The following COMMD10 variants were observed in gnomAD, a reference collection of about 807,000 sequenced individuals.
COMMD10 encodes COMM domain containing 10.
A neutral mutation model predicts 28.9 loss-of-function variants in COMMD10; 33 were observed. The ratio of observed to expected loss-of-function variants is 1.14; its 90% CI spans 0.87 to 1.53. The LOEUF is 1.53. Ranked by LOEUF, COMMD10 falls within the 40% of genes most tolerant of loss-of-function variation. The pLI, the probability that COMMD10 is intolerant of heterozygous loss-of-function variation, is 0.00. For synonymous variants in COMMD10, 110 were observed against 81.7 expected (o/e 1.35, Z -1.87); for missense variants, 310 against 233.4 (o/e 1.33, Z -2.14).
At chr5:116,181,751 A>G (rs990369125) in intron 5 of COMMD10, among the ~76,000 whole-genome samples, 1 of 152,074 alleles carries the variant, frequency 6.6e-6, no homozygotes, top group African/African-American at 2.4e-5. Flanking sequence ...TTAATTTAAG[A>G]AAGTTATCTT....
chr5:116,124,129 T>G (rs1184683290), intron 4 of COMMD10, among the ~76,000 whole-genome samples: 1 of 151,936 alleles, frequency 6.6e-6, no homozygotes, highest in Admixed American at 6.6e-5. Flanking sequence ...TTTGTTTGCT[T>G]TTGCTTCTCT....
intron 4 of COMMD10, among the ~76,000 whole-genome samples, chr5:116,124,228 A>G (rs983457092): frequency 2.0e-5 from 3 of 152,142 alleles, no homozygotes; most frequent in Admixed American, 6.6e-5. Flanking sequence ...TTCCTTCTAC[A>G]TACTGCTATA....
At chr5:116,288,343 A>T (rs1751275539) in intron 5 of COMMD10, among the ~76,000 whole-genome samples, 1 of 151,832 alleles carries the variant, frequency 6.6e-6, no homozygotes, top group African/African-American at 2.4e-5. Context: ...CTCATATGTG[A>T]TAAATCACTT....
rs183306098 is a variant in COMMD10, at chr5:116,132,875, A to G, written c.400-1193A>G. ...AGTTATTATAGAGATATTATAGATT[A>G]TATCTCTACAACATCTTCCTTCTTT... On this transcript the variant is annotated intron_variant, in intron 4 of 6. Coordinates refer to ENST00000274458, the MANE Select transcript of COMMD10 (RefSeq NM_016144.4). Among the ~76,000 whole-genome samples, 268 of 152,286 alleles carry G rather than the reference A, an allele frequency of 1.8e-3. 1 individual carries two copies. The highest frequency in any genetic ancestry group is 6.1e-3 in the African/African-American group (252 of 41,556).
chr5:116,287,598 A>C (rs1363874426), intron 5 of COMMD10, among the ~76,000 whole-genome samples: 2 of 151,592 alleles, frequency 1.3e-5, no homozygotes, highest in Non-Finnish European at 2.9e-5. Flanking sequence ...ATAGGCAAGG[A>C]CTTATTGCCG....
In COMMD10 at chr5:116,135,517, T is replaced by C. The variant is rs73253214; in HGVS notation, c.510+1339T>C. Among the ~76,000 whole-genome samples, 184 of 152,310 alleles carry C rather than the reference T, an allele frequency of 1.2e-3. 2 individuals carry two copies. The highest frequency in any genetic ancestry group is 3.9e-3 in the African/African-American group (160 of 41,558). On this transcript the variant is annotated intron_variant, in intron 5 of 6. Transcript: ENST00000274458. ...TGGTTAGAGTCAAGCTATTAGAGTA[T>C]GTCTGGTGGTTTCCCTTTATGTGCA...
intron 5 of COMMD10, among the ~76,000 whole-genome samples, chr5:116,143,019 A>G (rs1325806542): frequency 6.8e-6 from 1 of 147,836 alleles, no homozygotes; most frequent in Non-Finnish European, 1.5e-5. Flanking sequence ...TACGTTTTCT[A>G]AATAACAGCA....
chr5:116,195,068 A>C (rs1331391713), intron 5 of COMMD10, among the ~76,000 whole-genome samples: 1 of 152,316 alleles, frequency 6.6e-6, no homozygotes, highest in Non-Finnish European at 1.5e-5. Context: ...CAAAAATCAC[A>C]TGATTATCTC....
At chr5:116,284,117 G>A (rs1230487366) in intron 5 of COMMD10, among the ~76,000 whole-genome samples, 1 of 151,766 alleles carries the variant, frequency 6.6e-6, no homozygotes, top group Non-Finnish European at 1.5e-5. Flanking sequence ...GGGCAACAGA[G>A]CAAGACCCCA....
chr5:116,244,660 CAAAAAAA>C (rs60360733), intron 5 of COMMD10, among the ~76,000 whole-genome samples: 10 of 79,486 alleles, frequency 1.3e-4, no homozygotes, highest in Non-Finnish European at 1.8e-4. Flanking sequence ...AAAAAAATTA[CAAAAAAA>C]AAAAAAAAAA....
At chr5:116,221,707 C>T (rs772616972) in intron 5 of COMMD10, among the ~76,000 whole-genome samples, 5 of 152,116 alleles carry the variant, frequency 3.3e-5, no homozygotes, top group Non-Finnish European at 5.9e-5. Context: ...AGCATTATTA[C>T]GTTTTGAAAG....
chr5:116,251,627 C>G (rs1198086481), intron 5 of COMMD10, among the ~76,000 whole-genome samples: 2 of 150,926 alleles, frequency 1.3e-5, no homozygotes, highest in African/African-American at 2.4e-5. Flanking sequence ...ATGAACTCAT[C>G]ATTTTTTATG....
At chr5:116,247,800 T>A (rs913287406) in intron 5 of COMMD10, among the ~76,000 whole-genome samples, 2 of 151,816 alleles carry the variant, frequency 1.3e-5, no homozygotes, top group African/African-American at 4.8e-5. Flanking sequence ...ACACAAACTC[T>A]GGGGTCTATT....
intron 1 of COMMD10, 104 bp downstream of exon 1, chr5:116,085,197 C>A: frequency 2.2e-6 from 1 of 458,318 alleles, no homozygotes; most frequent in Non-Finnish European, 4.1e-6. Context: ...CCGCGGCGGG[C>A]CCGGTTGAGT....
At chr5:116,190,798 C>T (rs533931058) in intron 5 of COMMD10, among the ~76,000 whole-genome samples, 1 of 152,230 alleles carries the variant, frequency 6.6e-6, no homozygotes, top group South Asian at 2.1e-4. Context: ...ACCTTAAGTT[C>T]TATAAAACTT....
chr5:116,218,161 A>G, intron 5 of COMMD10: 2 of 963,622 alleles, frequency 2.1e-6, no homozygotes, highest in Non-Finnish European at 3.4e-6. Flanking sequence ...CCTTCTTTGC[A>G]GGGGCCTTTT....
At chr5:116,114,012 A>C (rs1370310554) in intron 4 of COMMD10, among the ~76,000 whole-genome samples, 2 of 151,750 alleles carry the variant, frequency 1.3e-5, no homozygotes, top group African/African-American at 4.8e-5. Flanking sequence ...GGGTGTGCGC[A>C]TTGGTGAATA....
At chr5:116,104,690 G>A (rs1178733962) in intron 4 of COMMD10, among the ~76,000 whole-genome samples, 2 of 151,900 alleles carry the variant, frequency 1.3e-5, no homozygotes, top group Non-Finnish European at 2.9e-5. Flanking sequence ...CACGATGTCG[G>A]CTCACTGTAA....
chr5:116,134,226 T>G (rs1751958066), intron 5 of COMMD10, 48 bp downstream of exon 5: 1 of 1,053,470 alleles, frequency 9.5e-7, no homozygotes, highest in South Asian at 1.3e-5. Flanking sequence ...TTGTTAGGAC[T>G]TAAACTTTTT....
Sources: gnomAD v4.1 joint callset for allele counts (sites outside exome capture counted in the v4.1 genomes callset) on GRCh38, gnomAD v4.1.1 for gene constraint, MANE v1.5 for transcripts, NCBI Gene and HGNC (gene_info 2026-07-23, HGNC 2026-07-21) for gene names.